ATP11C: variants seen among roughly 807,000 people sequenced by gnomAD.
ATP11C encodes the protein phospholipid-transporting ATPase IG.
A neutral mutation model predicts 97.4 loss-of-function variants in ATP11C; 36 were observed. That is an observed-to-expected ratio of 0.37 (90% CI 0.28 to 0.49). ATP11C has a LOEUF of 0.49. Ranked by LOEUF, ATP11C falls within the 20% of genes least tolerant of loss-of-function variation. The probability of loss-of-function intolerance (pLI) is 0.98; values close to 1 mark genes in which losing one functional copy is unlikely to be tolerated. For missense variants in ATP11C, 730 were observed against 824.6 expected, an observed-to-expected ratio of 0.89 and a Z score of 1.40; for synonymous variants, 275 against 290.9, an observed-to-expected ratio of 0.95 and a Z score of 0.56.
chrX:139,743,477 C>CA (rs1032169812), intron 26 of ATP11C, 82 bp downstream of exon 26: 9 of 627,311 alleles, frequency 1.4e-5, no homozygotes, highest in Admixed American at 1.2e-4. Context: ...ATAAAGGAGA[C>CA]AAAAAAATGG....
At chrX:139,756,289 A>T (rs371149314) in intron 23 of ATP11C, among the ~76,000 whole-genome samples, 1 of 112,359 alleles carries the variant, frequency 8.9e-6, no homozygotes, top group Non-Finnish European at 1.9e-5. Context: ...ATCTCACACC[A>T]GTCAGAATGG....
At chrX:139,858,043 T>C (rs2084121695) in intron 1 of ATP11C, among the ~76,000 whole-genome samples, 1 of 112,582 alleles carries the variant, frequency 8.9e-6, no homozygotes, top group Admixed American at 9.3e-5. Flanking sequence ...AAAATTAATT[T>C]GGCTCCCTCC....
chrX:139,894,776 A>T (rs2084780399), intron 1 of ATP11C, among the ~76,000 whole-genome samples: 1 of 112,300 alleles, frequency 8.9e-6, no homozygotes, highest in African/African-American at 3.2e-5. Context: ...TGTATCAATA[A>T]AAATAATAAA....
At chrX:139,774,354 A>T (rs913623402) in intron 19 of ATP11C, among the ~76,000 whole-genome samples, 1 of 112,453 alleles carries the variant, frequency 8.9e-6, no homozygotes, top group Non-Finnish European at 1.9e-5. Flanking sequence ...ATTACATTCA[A>T]TTTAAGAGAC....
chrX:139,909,873 G>GC (rs2085045065), intron 1 of ATP11C: 4 of 111,781 alleles, frequency 3.6e-5, no homozygotes, highest in Non-Finnish European at 7.5e-5. Flanking sequence ...GAGAGAAAGA[G>GC]AAGTAGGAGT....
intron 1 of ATP11C, among the ~76,000 whole-genome samples, chrX:139,828,362 T>G (rs2083574484): frequency 8.9e-6 from 1 of 112,137 alleles, no homozygotes; most frequent in Non-Finnish European, 1.9e-5. Context: ...TTTGCAACTG[T>G]AATATACAGG....
chrX:139,874,467 C>T (rs2084435082), intron 1 of ATP11C, among the ~76,000 whole-genome samples: 1 of 111,062 alleles, frequency 9.0e-6, no homozygotes, highest in African/African-American at 3.3e-5. Flanking sequence ...TTAGCAACCA[C>T]ATTAATATAA....
chrX:139,910,450 C>T (rs923248234), intron 1 of ATP11C, among the ~76,000 whole-genome samples: 6 of 109,870 alleles, frequency 5.5e-5, no homozygotes, highest in Non-Finnish European at 9.5e-5. Context: ...ACTAAACATA[C>T]AAAAAATTAG....
chrX:139,868,513 C>T (rs559108046), intron 1 of ATP11C, among the ~76,000 whole-genome samples: 2 of 104,684 alleles, frequency 1.9e-5, no homozygotes, highest in East Asian at 6.0e-4. Flanking sequence ...GTCAGGAGTT[C>T]AAGACCAGTC....
chrX:139,842,051 T>G (rs1431841484), intron 1 of ATP11C, among the ~76,000 whole-genome samples: 1 of 112,323 alleles, frequency 8.9e-6, no homozygotes, highest in Non-Finnish European at 1.9e-5. Context: ...TTTGCTTTTT[T>G]GAGACAGTCT....
rs762799967 is a variant in ATP11C at position 139,836,237 on chromosome X, C to T, written c.28-9414G>A. Among the ~76,000 whole-genome samples, 4 of 110,116 alleles carry T rather than the reference C, an allele frequency of 3.6e-5. No individual in the cohort carries two copies. The South Asian group carries it at 1.6e-3, about 43-fold the overall frequency. On this transcript the variant is annotated intron_variant, in intron 1 of 29. Coordinates refer to ENST00000682941, the MANE Select transcript of ATP11C (RefSeq NM_001353812.2). ...GGAATAAAAAATTGCAGGTTTGGGCCGGGCACGGTGGCTCATGCCTGTAAT... is the reference window on the plus strand; with the variant it reads ...GGAATAAAAAATTGCAGGTTTGGGCTGGGCACGGTGGCTCATGCCTGTAAT...
chrX:139,870,947 T>C (rs1470681048), intron 1 of ATP11C, among the ~76,000 whole-genome samples: 3 of 106,115 alleles, frequency 2.8e-5, no homozygotes, highest in Non-Finnish European at 5.8e-5. Flanking sequence ...TCCCAGCTAC[T>C]CGGGAGGCTG....
intron 24 of ATP11C, 99 bp downstream of exon 24, chrX:139,749,926 C>A (rs917926197): frequency 1.1e-6 from 1 of 892,712 alleles, no homozygotes; most frequent in Admixed American, 2.7e-5. Context: ...AATCATACCA[C>A]AAACCAAGTG....
At chrX:139,741,118 T>C (rs1371887134) in intron 26 of ATP11C, 24 bp from the exon 27 acceptor site, 2 of 1,010,679 alleles carry the variant, frequency 2.0e-6, no homozygotes, top group East Asian at 3.0e-5. Context: ...ACACAAAAGA[T>C]TTCACGACGG....
chrX:139,896,214 G>A (rs749004423), intron 1 of ATP11C, among the ~76,000 whole-genome samples: 20 of 111,149 alleles, frequency 1.8e-4, no homozygotes, highest in South Asian at 3.8e-4. Flanking sequence ...TGATAAGCCT[G>A]TTGACACTAT....
rs183303598 is a variant in ATP11C at position 139,787,016 on chromosome X, T to C, written c.1592+157A>G. ...CCAGTTTCTGCAATTCTATGTAACA[T>C]GGCTTCTACCCCAACTATATTTACA... On this transcript the variant is annotated intron_variant, in intron 15 of 29. Transcript: ENST00000682941. Among the ~76,000 whole-genome samples, 486 of 112,080 alleles carry C rather than the reference T, an allele frequency of 4.3e-3. 3 individuals are homozygous for C. Among genetic ancestry groups the C allele is most frequent in the African/African-American group, 0.015 (461 of 30,828 alleles).
intron 21 of ATP11C, among the ~76,000 whole-genome samples, chrX:139,762,311 G>A (rs1053686593): frequency 9.0e-6 from 1 of 111,553 alleles, no homozygotes; most frequent in Non-Finnish European, 1.9e-5. Context: ...CTCCCTATTC[G>A]TAATACAGTA....
intron 24 of ATP11C, among the ~76,000 whole-genome samples, chrX:139,747,804 G>A (rs1190665933): frequency 1.8e-5 from 2 of 111,800 alleles, no homozygotes; most frequent in African/African-American, 6.5e-5. Flanking sequence ...AACAGTCAGA[G>A]TAATGAAACT....
rs145116258 is a variant in ATP11C, at chrX:139,835,281, T to C, written c.28-8458A>G. Among the ~76,000 whole-genome samples, 362 of 112,110 alleles carry C rather than the reference T, an allele frequency of 3.2e-3. 2 individuals are homozygous for C. The highest frequency in any genetic ancestry group is 9.9e-3 in the African/African-American group (306 of 30,818). On this transcript the variant is annotated intron_variant, in intron 1 of 29. Coordinates refer to ENST00000682941, the MANE Select transcript of ATP11C (RefSeq NM_001353812.2). ...GCAAGAAACCAGGAGATCAAGGTCC[T>C]AATAGCCTTCTACCATCAATCGGTC...
Sources: gnomAD v4.1 joint callset for allele counts (sites outside exome capture counted in the v4.1 genomes callset) on GRCh38, gnomAD v4.1.1 for gene constraint, MANE v1.5 for transcripts, NCBI Gene and HGNC (gene_info 2026-07-23, HGNC 2026-07-21) for gene names.